The following CHID1 variants were observed in gnomAD, a reference collection of about 807,000 sequenced individuals.
The protein encoded by CHID1 is chitinase domain-containing protein 1.
A neutral mutation model predicts 55.4 loss-of-function variants in CHID1; 44 were observed. The observed-to-expected ratio is 0.79, with a 90% CI of 0.62 to 1.02. The LOEUF is 1.02. CHID1 is among the 50% of genes least tolerant of loss of function. The pLI is 0.00. For missense variants in CHID1, 491 were observed against 515.3 expected, an observed-to-expected ratio of 0.95 and a Z score of 0.46; for synonymous variants, 216 against 212.9, an observed-to-expected ratio of 1.01 and a Z score of -0.13.
chr11:889,110 C>T (rs1850616830), intron 8 of CHID1, among the ~76,000 whole-genome samples: 1 of 152,196 alleles, frequency 6.6e-6, no homozygotes. Context: ...TCCCTCCAGC[C>T]ACGTGGACCC....
chr11:902,723 T>C (rs1470137111), intron 3 of CHID1, among the ~76,000 whole-genome samples: 1 of 152,132 alleles, frequency 6.6e-6, no homozygotes, highest in Non-Finnish European at 1.5e-5. Flanking sequence ...AGCCCACCTC[T>C]GGATTCAGGG....
At chr11:895,766 G>A (rs1383467260) in intron 7 of CHID1, among the ~76,000 whole-genome samples, 1 of 152,164 alleles carries the variant, frequency 6.6e-6, no homozygotes, top group African/African-American at 2.4e-5. Flanking sequence ...CCAAGTGGTG[G>A]TCAGAGGCAG....
intron 10 of CHID1, 23 bp downstream of exon 10, chr11:883,125 G>A (rs764295936): frequency 9.4e-6 from 15 of 1,601,572 alleles, no homozygotes; most frequent in South Asian, 4.4e-5. Flanking sequence ...CCTTCAGCAC[G>A]GCAGGGAGAG....
chr11:876,623 C>G (rs993389536), intron 10 of CHID1, among the ~76,000 whole-genome samples: 7 of 152,202 alleles, frequency 4.6e-5, no homozygotes, highest in Non-Finnish European at 5.9e-5. Flanking sequence ...TGCCAGTGTC[C>G]TCCTTGGACT....
intron 10 of CHID1, among the ~76,000 whole-genome samples, chr11:876,944 C>G (rs543813274): frequency 6.6e-6 from 1 of 152,298 alleles, no homozygotes; most frequent in East Asian, 1.9e-4. Flanking sequence ...TCCAGTGGTC[C>G]TGCATCCAGG....
Position 875,274 on chromosome 11 carries a change from G to A in CHID1, c.960-4775C>T, listed in dbSNP as rs1424650438. 2.0e-5 allele frequency among the ~76,000 whole-genome samples: 3 copies of A among 152,236 alleles called. No homozygotes were observed. The highest frequency in any genetic ancestry group is 2.9e-5 in the Non-Finnish European group (2 of 68,044). The stretch of plus-strand genomic sequence containing the variant: ...TGAGTTCAACCAGACAGCCCTCCTC[G>A]GTGGGTGGCCATCCTTCTTCGGGGC... On this transcript the variant is annotated intron_variant, in intron 10 of 12. Coordinates refer to ENST00000323578, the MANE Select transcript of CHID1 (RefSeq NM_023947.4). The surrounding 1 kb of genome is among the most constrained non-coding windows in gnomAD (Gnocchi z 4.7).
chr11:886,783 C>G (rs764084406), intron 8 of CHID1, among the ~76,000 whole-genome samples: 8 of 152,240 alleles, frequency 5.3e-5, no homozygotes, highest in Non-Finnish European at 8.8e-5. Context: ...CCCCAGCTCA[C>G]AGCCCCACAT....
At chr11:874,855 G>A (rs1399904969) in intron 10 of CHID1, 2 of 152,280 alleles carry the variant, frequency 1.3e-5, no homozygotes, top group Non-Finnish European at 2.9e-5. Context: ...ATTAGAAAAC[G>A]ATTCCGTGTC....
chr11:913,707 A>C (rs1212463067), upstream of CHID1, among the ~76,000 whole-genome samples: 2 of 150,778 alleles, frequency 1.3e-5, no homozygotes, highest in African/African-American at 4.9e-5. Context: ...GGGGAGGTGG[A>C]GATTGCAGTG....
At chr11:878,925 C>A (rs917611327) in intron 10 of CHID1, among the ~76,000 whole-genome samples, 3 of 152,106 alleles carry the variant, frequency 2.0e-5, no homozygotes, top group African/African-American at 7.2e-5. Flanking sequence ...GGGCTCACTG[C>A]AACCTCTGCC....
chr11:874,356 G>A (rs868537490), intron 10 of CHID1, among the ~76,000 whole-genome samples: 3 of 152,174 alleles, frequency 2.0e-5, no homozygotes, highest in South Asian at 2.1e-4. Flanking sequence ...CCAGCTACTT[G>A]GGAGGCTGAG....
intron 1 of CHID1, among the ~76,000 whole-genome samples, chr11:905,872 G>T (rs1026845355): frequency 2.0e-5 from 3 of 152,164 alleles, no homozygotes; most frequent in African/African-American, 7.2e-5. Context: ...ACAAATGTAA[G>T]ACTTTCATTC....
In CHID1 at chr11:899,414, G is replaced by A; in HGVS notation, c.547-13C>T. ...CGAAATGCTGGTTCTGAAAGAAGCA[G>A]TCACAGGTGAGGAGGGCCTGGAGGC... On this transcript the variant is annotated splice_polypyrimidine_tract_variant and intron_variant, in intron 6 of 12. Coordinates refer to ENST00000323578, the MANE Select transcript of CHID1 (RefSeq NM_023947.4). 6.3e-7 allele frequency: 1 copy of A among 1,593,990 alleles called. No individual in the cohort carries two copies.
chr11:896,510 C>T (rs1165595276), intron 7 of CHID1, among the ~76,000 whole-genome samples: 2 of 126,100 alleles, frequency 1.6e-5, no homozygotes. Context: ...GCTGTCTCAG[C>T]ACCCCCAGCC....
At chr11:900,908 G>T in intron 5 of CHID1, 28 bp downstream of exon 5, 1 of 1,590,432 alleles carries the variant, frequency 6.3e-7, no homozygotes, top group Non-Finnish European at 8.5e-7. Flanking sequence ...AGCCATCAGG[G>T]CCTCCACTCC....
intron 9 of CHID1, 85 bp from the exon 10 acceptor site, chr11:883,388 A>C: frequency 1.5e-6 from 2 of 1,354,980 alleles, no homozygotes; most frequent in Non-Finnish European, 2.0e-6. Flanking sequence ...TGAGGGGTGC[A>C]TCCTCCCCAT....
chr11:908,592 G>C, intron 1 of CHID1: 4 of 985,536 alleles, frequency 4.1e-6, no homozygotes, highest in Non-Finnish European at 4.8e-6. Context: ...CCCAGTCTTT[G>C]ACCCCAGCCC....
intron 4 of CHID1, among the ~76,000 whole-genome samples, chr11:901,369 C>G (rs918292228): frequency 6.6e-6 from 1 of 152,222 alleles, no homozygotes; most frequent in African/African-American, 2.4e-5. Flanking sequence ...GACATTCCAT[C>G]ACCTCCCCAC....
intron 8 of CHID1, among the ~76,000 whole-genome samples, chr11:892,858 C>T (rs1481526220): frequency 1.3e-5 from 2 of 152,242 alleles, no homozygotes; most frequent in African/African-American, 4.8e-5. Flanking sequence ...ACCCTGAGGG[C>T]ATGGCCGGCC....
Sources: allele counts gnomAD v4.1 joint callset (sites outside exome capture counted in the v4.1 genomes callset), GRCh38; gene constraint gnomAD v4.1.1; non-coding constraint Gnocchi (gnomAD v3.1); transcripts MANE v1.5; gene names NCBI Gene and HGNC (gene_info 2026-07-23, HGNC 2026-07-21).